The following DRC1 variants were observed in gnomAD, a reference collection of about 807,000 sequenced individuals.
DRC1 encodes dynein regulatory complex subunit 1, also known as dynein regulatory complex protein 1.
In DRC1, 74 loss-of-function variants were observed where a neutral mutation model predicts 98.7. The ratio of observed to expected loss-of-function variants is 0.75; its 90% CI spans 0.62 to 0.91. The LOEUF (loss-of-function observed/expected upper bound fraction) is 0.91. Ranked by LOEUF, DRC1 falls within the 40% of genes least tolerant of loss-of-function variation. The probability of loss-of-function intolerance (pLI) is 0.00; values close to 1 mark genes in which losing one functional copy is unlikely to be tolerated. For synonymous variants in DRC1, 336 were observed against 334.1 expected, an observed-to-expected ratio of 1.01 and a Z score of -0.06; for missense variants, 875 against 886.0, an observed-to-expected ratio of 0.99 and a Z score of 0.16.
At chr2:26,422,130 T>C (rs1427233896) in intron 3 of DRC1, among the ~76,000 whole-genome samples, 1 of 152,092 alleles carries the variant, frequency 6.6e-6, no homozygotes, top group East Asian at 1.9e-4. Context: ...GAGGGATGAA[T>C]AGGAATTTGA....
At chr2:26,437,479 C>T (rs1029378786) in intron 7 of DRC1, among the ~76,000 whole-genome samples, 3 of 152,200 alleles carry the variant, frequency 2.0e-5, no homozygotes, top group African/African-American at 4.8e-5. Context: ...AGGGTCTGCC[C>T]GGCACGATGC....
At chr2:26,430,585 T>C (rs769734469) in intron 5 of DRC1, 2 of 676,966 alleles carry the variant, frequency 3.0e-6, no homozygotes, top group African/African-American at 3.5e-5. Context: ...GCATTTGGAG[T>C]ATCGTCTTCA....
At chr2:26,431,077 C>T (rs1342943548) in intron 6 of DRC1, among the ~76,000 whole-genome samples, 2 of 150,326 alleles carry the variant, frequency 1.3e-5, no homozygotes, top group Admixed American at 1.3e-4. Context: ...TCTCCTGCCT[C>T]AGCCTCCCGA....
intron 2 of DRC1, among the ~76,000 whole-genome samples, chr2:26,420,588 G>T (rs1663108489): frequency 6.6e-6 from 1 of 152,150 alleles, no homozygotes; most frequent in African/African-American, 2.4e-5. Flanking sequence ...ATTGAGAACT[G>T]CAGAGTGCTT....
intron 1 of DRC1, among the ~76,000 whole-genome samples, chr2:26,405,879 C>T (rs1192829677): frequency 3.3e-5 from 5 of 151,972 alleles, no homozygotes; most frequent in Admixed American, 2.6e-4. Context: ...AGGCTAGTCT[C>T]GAACTCCTGG....
chr2:26,443,743 C>T (rs73920277), intron 8 of DRC1, among the ~76,000 whole-genome samples: 11,663 of 152,166 alleles, frequency 0.077, 882 homozygotes, highest in African/African-American at 0.2. Flanking sequence ...GACCTGTTAA[C>T]GGTATCAGCT....
chr2:26,431,805 A>T (rs1007614930), intron 6 of DRC1, 79 bp from the exon 7 acceptor site: 1 of 1,581,918 alleles, frequency 6.3e-7, no homozygotes, highest in African/African-American at 1.3e-5. Context: ...CCCCTGTGTC[A>T]TGCTGGGCAG....
chr2:26,403,857 T>G (rs1231965498), intron 1 of DRC1, among the ~76,000 whole-genome samples: 1 of 150,626 alleles, frequency 6.6e-6, no homozygotes, highest in Admixed American at 6.6e-5. Context: ...TCCCAAAACT[T>G]TGGGAGGCTG....
chr2:26,429,403 G>A (rs1196294042), intron 4 of DRC1, among the ~76,000 whole-genome samples: 1 of 151,722 alleles, frequency 6.6e-6, no homozygotes, highest in East Asian at 1.9e-4. Context: ...TTTTTGTAGA[G>A]ACAGAGTTTT....
In DRC1 at chr2:26,454,653, G is replaced by T; in HGVS notation, c.1926G>T (p.Ser642=). 1.9e-6 allele frequency: 3 copies of T among 1,614,038 alleles called. No homozygotes were observed. The highest frequency in any genetic ancestry group is 2.2e-5 in the South Asian group (2 of 91,078). The part of the protein sequence containing the change: ...FVMGLKKPRD[S]RAPLRVQKNV... Reference sequence around the variant, plus strand: ...CTGTGCTCTTGGCCTTCAGGGACTCGCGGGCCCCGCTGAGGGTACAGAAGA... The same window carrying T: ...CTGTGCTCTTGGCCTTCAGGGACTCTCGGGCCCCGCTGAGGGTACAGAAGA... Residue 642 remains serine (S), a synonymous_variant, in exon 15 of 17, where the codon TCG becomes TCT. Coordinates refer to ENST00000288710, the MANE Select transcript of DRC1 (RefSeq NM_145038.5). The surrounding 1 kb of genome is among the most constrained non-coding windows in gnomAD (Gnocchi z 5.2).
chr2:26,442,593 C>G (rs1180672081), intron 8 of DRC1, among the ~76,000 whole-genome samples: 1 of 152,150 alleles, frequency 6.6e-6, no homozygotes, highest in East Asian at 1.9e-4. Flanking sequence ...ATACCTCAGT[C>G]TCATGGTTTT....
intron 2 of DRC1, 53 bp from the exon 3 acceptor site, chr2:26,421,235 A>T (rs914810750): frequency 5.9e-6 from 9 of 1,535,628 alleles, no homozygotes; most frequent in Non-Finnish European, 7.1e-6. Flanking sequence ...CAGACTTTAT[A>T]TATTATTTAC....
chr2:26,405,299 C>A (rs1404559423), intron 1 of DRC1, among the ~76,000 whole-genome samples: 1 of 152,076 alleles, frequency 6.6e-6, no homozygotes, highest in Admixed American at 6.6e-5. Flanking sequence ...TGGATCAAGC[C>A]CTTGTCTGCT....
At chr2:26,430,167 C>T (rs920125509) in intron 5 of DRC1, among the ~76,000 whole-genome samples, 7 of 152,100 alleles carry the variant, frequency 4.6e-5, no homozygotes, top group African/African-American at 1.7e-4. Flanking sequence ...AGCATAAAGC[C>T]TGTGTGAGGC....
At chr2:26,450,127 C>A in intron 12 of DRC1, 42 bp downstream of exon 12, 1 of 1,577,124 alleles carries the variant, frequency 6.3e-7, no homozygotes, top group Non-Finnish European at 8.6e-7. Context: ...GGGGCTGCAG[C>A]CGGCCGTGTT....
intron 12 of DRC1, 28 bp downstream of exon 12, chr2:26,450,113 G>A (rs1019561414): frequency 6.9e-6 from 11 of 1,598,492 alleles, no homozygotes; most frequent in East Asian, 6.8e-5. Context: ...GGGAGGACAC[G>A]GGTGGGGCTG....
intron 2 of DRC1, among the ~76,000 whole-genome samples, chr2:26,417,903 AT>A (rs561650573): frequency 6.6e-6 from 1 of 151,946 alleles, no homozygotes; most frequent in Admixed American, 6.6e-5. Flanking sequence ...TCTTTTGAAT[AT>A]TTTTTTACGT....
At chr2:26,432,218 T>G (rs1663454557) in intron 7 of DRC1, among the ~76,000 whole-genome samples, 1 of 152,154 alleles carries the variant, frequency 6.6e-6, no homozygotes, top group Non-Finnish European at 1.5e-5. Context: ...GGAGGTGAGC[T>G]GAGCACGGTG....
chr2:26,436,617 A>G (rs902994682), intron 7 of DRC1, among the ~76,000 whole-genome samples: 3 of 152,174 alleles, frequency 2.0e-5, no homozygotes, highest in African/African-American at 7.2e-5. Context: ...CCAGCCATCC[A>G]TATACATATT....
Sources: gnomAD v4.1 joint callset for allele counts (sites outside exome capture counted in the v4.1 genomes callset) on GRCh38, gnomAD v4.1.1 for gene constraint, Gnocchi (gnomAD v3.1) non-coding constraint, MANE v1.5 for transcripts, NCBI Gene and HGNC (gene_info 2026-07-23, HGNC 2026-07-21) for gene names.